The following SGCZ variants were observed in gnomAD, a reference collection of about 807,000 sequenced individuals.
The protein encoded by SGCZ is sarcoglycan zeta, also known as zeta-sarcoglycan.
Under a neutral mutation model 41.3 loss-of-function variants are expected in SGCZ, and 40 were observed. The observed-to-expected ratio is 0.97, with a 90% CI of 0.75 to 1.26. The LOEUF is 1.26. Among genes scored for constraint, SGCZ ranks in the 50% most tolerant of loss-of-function variants. SGCZ has a pLI of 0.00. For missense variants in SGCZ, 552 were observed against 369.8 expected (o/e 1.49, Z -4.04); for synonymous variants, 206 against 137.5 (o/e 1.50, Z -3.49).
intron 1 of SGCZ, among the ~76,000 whole-genome samples, chr8:15,111,650 G>A (rs1209963663): frequency 2.0e-5 from 3 of 151,996 alleles, no homozygotes; most frequent in Non-Finnish European, 4.4e-5. Context: ...GCCTGTAATC[G>A]CAGCACTTTG....
At chr8:14,676,899 G>GT (rs1808295902) in intron 1 of SGCZ, among the ~76,000 whole-genome samples, 1 of 151,946 alleles carries the variant, frequency 6.6e-6, no homozygotes, top group South Asian at 2.1e-4. Context: ...GCAAAGATAA[G>GT]GAATAAGGTA....
intron 3 of SGCZ, among the ~76,000 whole-genome samples, chr8:14,258,070 C>T (rs993314948): frequency 7.9e-5 from 12 of 152,138 alleles, no homozygotes; most frequent in Non-Finnish European, 1.8e-4. Flanking sequence ...TTAATTACAA[C>T]TACCAAAGTA....
In SGCZ at chr8:15,078,464, GTCT is replaced by G. The variant is rs538300541; in HGVS notation, c.39+159118_39+159120del. Among the ~76,000 whole-genome samples the G allele has an allele frequency of 1.1e-4, 17 of 151,804 alleles. No homozygotes were observed. The South Asian group carries it at 3.5e-3, about 32-fold the overall frequency. On this transcript the variant is annotated intron_variant, in intron 1 of 7. Transcript: ENST00000382080. ...TGAAAAACTGGTATCTTTTTGACTG[GTCT>G]TCTATTTGCATACTTACTCTTTCAA...
chr8:14,933,643 G>A (rs1172222955), intron 1 of SGCZ, among the ~76,000 whole-genome samples: 2 of 151,680 alleles, frequency 1.3e-5, no homozygotes, highest in African/African-American at 4.9e-5. Context: ...TAGTAGAGAT[G>A]GGGTTCTACC....
intron 2 of SGCZ, among the ~76,000 whole-genome samples, chr8:14,348,968 T>C (rs1422392690): frequency 6.6e-6 from 1 of 152,164 alleles, no homozygotes; most frequent in African/African-American, 2.4e-5. Flanking sequence ...TCATTTTTAC[T>C]GTGTTACGTA....
chr8:14,559,372 C>T (rs574865572), intron 1 of SGCZ, among the ~76,000 whole-genome samples: 1 of 152,074 alleles, frequency 6.6e-6, no homozygotes, highest in South Asian at 2.1e-4. Flanking sequence ...AACTCGACCC[C>T]TTTTACCATA....
At chr8:14,753,822 G>T (rs1799572031) in intron 1 of SGCZ, among the ~76,000 whole-genome samples, 1 of 152,168 alleles carries the variant, frequency 6.6e-6, no homozygotes, top group Admixed American at 6.5e-5. Context: ...GAGAAGCCCA[G>T]GGTGGACAAC....
chr8:14,247,113 T>C (rs1424570207), intron 3 of SGCZ, among the ~76,000 whole-genome samples: 1 of 152,148 alleles, frequency 6.6e-6, no homozygotes, highest in African/African-American at 2.4e-5. Flanking sequence ...AGAAGAGAGA[T>C]ATTATCTATG....
At chr8:14,558,063 T>G (rs1397959420) in intron 1 of SGCZ, among the ~76,000 whole-genome samples, 1 of 152,080 alleles carries the variant, frequency 6.6e-6, no homozygotes, top group Non-Finnish European at 1.5e-5. Context: ...CTACAAAACC[T>G]AGAGGACATG....
intron 1 of SGCZ, among the ~76,000 whole-genome samples, chr8:15,185,784 C>G (rs1800314503): frequency 6.6e-6 from 1 of 152,122 alleles, no homozygotes; most frequent in African/African-American, 2.4e-5. Context: ...GCCTCAAGAT[C>G]TGCAACTTGG....
At chr8:14,811,667 G>T (rs1346258079) in intron 1 of SGCZ, among the ~76,000 whole-genome samples, 1 of 151,238 alleles carries the variant, frequency 6.6e-6, no homozygotes, top group African/African-American at 2.4e-5. Context: ...GCCATTAAAA[G>T]AGTACATTGT....
intron 2 of SGCZ, among the ~76,000 whole-genome samples, chr8:14,465,032 T>C (rs1230849749): frequency 1.3e-5 from 2 of 151,698 alleles, no homozygotes; most frequent in Non-Finnish European, 3.0e-5. Context: ...CCATGTACCC[T>C]TGAGAAGAAT....
intron 1 of SGCZ, among the ~76,000 whole-genome samples, chr8:14,974,243 A>G (rs1234573662): frequency 6.6e-6 from 1 of 152,212 alleles, no homozygotes; most frequent in Non-Finnish European, 1.5e-5. Context: ...CGTATGTTGT[A>G]ATTTAAGTTC....
intron 2 of SGCZ, among the ~76,000 whole-genome samples, chr8:14,332,297 C>A (rs1263389952): frequency 1.3e-5 from 2 of 151,762 alleles, no homozygotes; most frequent in African/African-American, 4.8e-5. Context: ...AAAAATTAGT[C>A]GGGCGTGGTG....
chr8:14,597,453 C>T (rs1415861633), intron 1 of SGCZ, among the ~76,000 whole-genome samples: 3 of 152,248 alleles, frequency 2.0e-5, no homozygotes, highest in Non-Finnish European at 2.9e-5. Flanking sequence ...CAGGAAAATG[C>T]AATATTCATT....
At chr8:15,224,929 T>A (rs1473253203) in intron 1 of SGCZ, among the ~76,000 whole-genome samples, 1 of 152,146 alleles carries the variant, frequency 6.6e-6, no homozygotes, top group Non-Finnish European at 1.5e-5. Flanking sequence ...ATGTATCTTA[T>A]AACATAGTCT....
At chr8:14,566,680 C>A (rs555120008) in intron 1 of SGCZ, among the ~76,000 whole-genome samples, 9 of 152,372 alleles carry the variant, frequency 5.9e-5, no homozygotes, top group Non-Finnish European at 8.8e-5. Context: ...ACAGCCCTCG[C>A]TCGCTCTCGG....
intron 4 of SGCZ, among the ~76,000 whole-genome samples, chr8:14,168,335 A>C (rs1585196408): frequency 1.3e-5 from 2 of 152,146 alleles, no homozygotes; most frequent in African/African-American, 4.8e-5. Flanking sequence ...ATATAAATAT[A>C]AATATACACT....
intron 1 of SGCZ, among the ~76,000 whole-genome samples, chr8:15,222,713 C>T (rs191639189): frequency 2.6e-5 from 4 of 152,140 alleles, no homozygotes; most frequent in Non-Finnish European, 4.4e-5. Context: ...TCATGATGCT[C>T]TTTATGGCTT....
Sources: gnomAD v4.1 joint callset for allele counts (sites outside exome capture counted in the v4.1 genomes callset) on GRCh38, gnomAD v4.1.1 for gene constraint, MANE v1.5 for transcripts, NCBI Gene and HGNC (gene_info 2026-07-23, HGNC 2026-07-21) for gene names.